Variants in HPSE2 observed in about 807,000 individuals in gnomAD.
HPSE2 encodes the protein heparanase 2 (inactive), also known as inactive heparanase-2.
In HPSE2, 38 loss-of-function variants were observed where a neutral mutation model predicts 60.5. The ratio of observed to expected loss-of-function variants is 0.63; its 90% confidence interval spans 0.48 to 0.82. The LOEUF (loss-of-function observed/expected upper bound fraction) is 0.82, where lower values mean the gene tolerates loss of function less well. Ranked by LOEUF, HPSE2 falls within the 40% of genes least tolerant of loss-of-function variation. The pLI is 0.00. For missense variants in HPSE2, 713 were observed against 740.4 expected (o/e 0.96, Z 0.43); for synonymous variants, 295 against 293.2 (o/e 1.01, Z -0.06).
At chr10:99,156,447 T>C (rs899546888) in intron 2 of HPSE2, among the ~76,000 whole-genome samples, 5 of 137,336 alleles carry the variant, frequency 3.6e-5, no homozygotes, top group African/African-American at 1.3e-4. Context: ...TGGTTCAATA[T>C]ACACAAATCA....
At position 98,457,786 on chromosome 10, in the gene HPSE2, C is replaced by T. The variant is rs759580085; in HGVS notation, c.*1788G>A. 67 of 151,708 alleles carry T rather than the reference C, an allele frequency of 4.4e-4. No individual in the cohort carries two copies. The highest frequency in any genetic ancestry group is 5.9e-4 in the Non-Finnish European group (40 of 68,046). The allele number at this position is 151,708 out of a possible 1,614,324, so 9.4% of individuals were successfully genotyped here. A position where few individuals can be genotyped will look rare whatever the true frequency, so the allele number is the denominator to read the frequency against. ...TGGGAGGTGCCTGGTCCCAGAGAAA[C>T]GGGTCCCTTCTGGGCAGCCTTGCAG... On this transcript the variant is annotated 3_prime_UTR_variant, in exon 12 of 12. Transcript: ENST00000370552.
chr10:98,764,256 G>C (rs1950070343), intron 3 of HPSE2, among the ~76,000 whole-genome samples: 1 of 151,872 alleles, frequency 6.6e-6, no homozygotes, highest in African/African-American at 2.4e-5. Flanking sequence ...TGCAAATGTA[G>C]TCAAAAATCA....
intron 9 of HPSE2, among the ~76,000 whole-genome samples, chr10:98,492,345 A>T (rs958668876): frequency 1.3e-5 from 2 of 152,082 alleles, no homozygotes; most frequent in Middle Eastern, 3.2e-3. Context: ...TACTAAAAAT[A>T]CAAAAAATTA....
At chr10:98,966,643 C>A (rs775332447) in intron 3 of HPSE2, among the ~76,000 whole-genome samples, 1 of 152,132 alleles carries the variant, frequency 6.6e-6, no homozygotes, top group Admixed American at 6.6e-5. Context: ...CTCTGTGACG[C>A]GCCCCCTCAA....
At chr10:98,884,656 C>G (rs924299521) in intron 3 of HPSE2, among the ~76,000 whole-genome samples, 1 of 152,130 alleles carries the variant, frequency 6.6e-6, no homozygotes, top group African/African-American at 2.4e-5. Flanking sequence ...AGTCCTCAAC[C>G]TTTTTGGCAC....
intron 6 of HPSE2, among the ~76,000 whole-genome samples, chr10:98,645,394 G>A (rs755493576): frequency 5.3e-4 from 81 of 152,300 alleles, no homozygotes; most frequent in African/African-American, 1.8e-3. Flanking sequence ...GAAATTAACA[G>A]AGATGTCAGA....
chr10:98,953,909 A>G (rs1250017445), intron 3 of HPSE2, among the ~76,000 whole-genome samples: 1 of 152,206 alleles, frequency 6.6e-6, no homozygotes, highest in Non-Finnish European at 1.5e-5. Flanking sequence ...CAGGATTGAA[A>G]AGGTACCATA....
intron 3 of HPSE2, among the ~76,000 whole-genome samples, chr10:98,914,510 A>G (rs566770545): frequency 6.6e-6 from 1 of 150,922 alleles, no homozygotes; most frequent in Admixed American, 6.6e-5. Context: ...AAAAATTAAG[A>G]TTGCTCCAAT....
At position 98,960,653 on chromosome 10, in the gene HPSE2, T is replaced by C. The variant is rs772187986; in HGVS notation, c.610+183585A>G. Among the ~76,000 whole-genome samples the C allele has an allele frequency of 3.1e-3, 448 of 146,790 alleles. 2 individuals are homozygous for C. The highest frequency in any genetic ancestry group is 4.3e-3 in the Non-Finnish European group (288 of 66,576). On this transcript the variant is annotated intron_variant, in intron 3 of 11. Coordinates refer to ENST00000370552, the MANE Select transcript of HPSE2 (RefSeq NM_021828.5). ...TCCACAGCCTTGTTTGTATATCTAA[T>C]ACAACATGAGTTCATCTTCTTTGAA...
At chr10:98,873,971 G>C (rs558937658) in intron 3 of HPSE2, among the ~76,000 whole-genome samples, 8 of 152,092 alleles carry the variant, frequency 5.3e-5, no homozygotes, top group African/African-American at 1.9e-4. Context: ...CAGTGATTTT[G>C]AGCTTTTTTT....
At chr10:99,206,449 C>T (rs540147039) in intron 2 of HPSE2, among the ~76,000 whole-genome samples, 18 of 151,322 alleles carry the variant, frequency 1.2e-4, no homozygotes, top group Admixed American at 5.3e-4. Context: ...AAAAATTAGC[C>T]GGGGGTGGTG....
intron 10 of HPSE2, among the ~76,000 whole-genome samples, chr10:98,484,167 C>T (rs1941351277): frequency 1.3e-5 from 2 of 151,988 alleles, no homozygotes; most frequent in South Asian, 4.2e-4. Flanking sequence ...ATGTCCTTTG[C>T]CTGCCTGCCT....
At chr10:98,729,862 T>C (rs912141326) in intron 4 of HPSE2, among the ~76,000 whole-genome samples, 5 of 151,906 alleles carry the variant, frequency 3.3e-5, no homozygotes, top group Admixed American at 2.6e-4. Context: ...TTAAACAAAA[T>C]TGAAGAGAGA....
chr10:99,183,671 T>C (rs1364076286), intron 2 of HPSE2, among the ~76,000 whole-genome samples: 1 of 152,198 alleles, frequency 6.6e-6, no homozygotes, highest in African/African-American at 2.4e-5. Context: ...ATTAAAGCCT[T>C]CTTCCTGGAC....
At position 98,581,584 on chromosome 10, in the gene HPSE2, T is replaced by A. The variant is rs149158838; in HGVS notation, c.1320+33320A>T. On this transcript the variant is annotated intron_variant, in intron 9 of 11. Transcript: ENST00000370552. ...AAGGAATCATTTACCACAGATATGA[T>A]TAAATCCATGCAGGCTTATGCAACT... Among the ~76,000 whole-genome samples the A allele has an allele frequency of 7.9e-5, 12 of 152,302 alleles. No individual in the cohort carries two copies. In the East Asian group the frequency reaches 1.3e-3, roughly 17 times the overall value.
chr10:99,093,674 T>C (rs867353522), intron 3 of HPSE2, among the ~76,000 whole-genome samples: 8 of 152,214 alleles, frequency 5.3e-5, no homozygotes, highest in Non-Finnish European at 8.8e-5. Context: ...TATAGCAGCA[T>C]TGATACATTC....
At chr10:99,018,137 C>T (rs1478961630) in intron 3 of HPSE2, among the ~76,000 whole-genome samples, 1 of 152,184 alleles carries the variant, frequency 6.6e-6, no homozygotes, top group Non-Finnish European at 1.5e-5. Flanking sequence ...TATTACAAAG[C>T]AAATATCCCC....
chr10:99,148,863 T>G (rs1031691659), intron 2 of HPSE2, among the ~76,000 whole-genome samples: 1 of 151,940 alleles, frequency 6.6e-6, no homozygotes, highest in African/African-American at 2.4e-5. Context: ...CTTTGGGGAC[T>G]CAGAGGGAAG....
At chr10:99,224,796 A>G (rs1299618567) in intron 2 of HPSE2, among the ~76,000 whole-genome samples, 1 of 152,094 alleles carries the variant, frequency 6.6e-6, no homozygotes, top group Non-Finnish European at 1.5e-5. Flanking sequence ...TTGATGAATT[A>G]CCTTTTTCCC....
Sources: allele counts gnomAD v4.1 joint callset (sites outside exome capture counted in the v4.1 genomes callset), GRCh38; gene constraint gnomAD v4.1.1; transcripts MANE v1.5; gene names NCBI Gene and HGNC (gene_info 2026-07-23, HGNC 2026-07-21).